The following FOCAD variants were observed in gnomAD, a reference collection of about 807,000 sequenced individuals.
FOCAD encodes focadhesin.
A neutral mutation model predicts 225.6 loss-of-function variants in FOCAD; 198 were observed. The ratio of observed to expected loss-of-function variants is 0.88; its 90% CI spans 0.78 to 0.99. FOCAD has a LOEUF of 0.99. FOCAD is among the 50% of genes least tolerant of loss of function. FOCAD has a pLI of 0.00. For synonymous variants in FOCAD, 897 were observed against 755.0 expected (o/e 1.19, Z -3.08); for missense variants, 2,713 against 2,123.6 (o/e 1.28, Z -5.46).
At chr9:20,818,726 G>A (rs1824003288) in intron 11 of FOCAD, among the ~76,000 whole-genome samples, 1 of 151,716 alleles carries the variant, frequency 6.6e-6, no homozygotes, top group Non-Finnish European at 1.5e-5. Context: ...TCATTGATTT[G>A]TCTTTCTAAT....
chr9:20,671,653 A>G (rs982102042), intron 2 of FOCAD, among the ~76,000 whole-genome samples: 9 of 152,216 alleles, frequency 5.9e-5, no homozygotes, highest in African/African-American at 9.6e-5. Flanking sequence ...ATGCAGAGAG[A>G]AAAGAGAAAA....
intron 37 of FOCAD, among the ~76,000 whole-genome samples, chr9:20,979,059 A>T (rs1188783947): frequency 6.6e-6 from 1 of 152,246 alleles, no homozygotes; most frequent in East Asian, 1.9e-4. Flanking sequence ...CGTATAGGCC[A>T]AGGGCAGATA....
At chr9:20,954,233 T>C (rs1456278403) in intron 35 of FOCAD, among the ~76,000 whole-genome samples, 1 of 152,206 alleles carries the variant, frequency 6.6e-6, no homozygotes, top group Non-Finnish European at 1.5e-5. Flanking sequence ...TAGTTCATTG[T>C]TTATGTTACC....
At chr9:20,734,893 C>T (rs569369310) in intron 4 of FOCAD, among the ~76,000 whole-genome samples, 14 of 152,072 alleles carry the variant, frequency 9.2e-5, no homozygotes, top group African/African-American at 3.4e-4. Flanking sequence ...CACCTTGGGC[C>T]TCCCAAAGTG....
intron 15 of FOCAD, among the ~76,000 whole-genome samples, chr9:20,838,674 T>G (rs923430664): frequency 6.6e-6 from 1 of 152,124 alleles, no homozygotes; most frequent in African/African-American, 2.4e-5. Context: ...TGACTTCTAC[T>G]ATGTAGAGTA....
At chr9:20,793,461 G>A (rs917282722) in intron 11 of FOCAD, among the ~76,000 whole-genome samples, 5 of 152,132 alleles carry the variant, frequency 3.3e-5, no homozygotes, top group African/African-American at 7.2e-5. Context: ...ATTCCTGGGC[G>A]TTAGTGTTGG....
intron 42 of FOCAD, among the ~76,000 whole-genome samples, chr9:20,992,113 C>T (rs1841727102): frequency 6.6e-6 from 1 of 152,088 alleles, no homozygotes; most frequent in Admixed American, 6.6e-5. Flanking sequence ...TACCTATCAC[C>T]AATGTATGTG....
chr9:20,828,332 G>C (rs1825125275), intron 15 of FOCAD, among the ~76,000 whole-genome samples: 1 of 152,016 alleles, frequency 6.6e-6, no homozygotes, highest in Non-Finnish European at 1.5e-5. Flanking sequence ...TATATATTTA[G>C]AAATTGATGG....
At chr9:20,658,002 G>T (rs1166569600), upstream of FOCAD, among the ~76,000 whole-genome samples, 1 of 143,006 alleles carries the variant, frequency 7.0e-6, no homozygotes, top group Middle Eastern at 3.5e-3. Flanking sequence ...TAACAGACAG[G>T]ACCCTCAGCT....
chr9:20,819,701 A>T, intron 11 of FOCAD, 95 bp from the exon 12 acceptor site: 1 of 558,466 alleles, frequency 1.8e-6, no homozygotes, highest in Non-Finnish European at 3.0e-6. Context: ...ATTCATATTC[A>T]TATTATTCCT....
At chr9:20,887,277 C>T (rs1419474529) in intron 21 of FOCAD, among the ~76,000 whole-genome samples, 1 of 151,726 alleles carries the variant, frequency 6.6e-6, no homozygotes, top group Non-Finnish European at 1.5e-5. Flanking sequence ...CTCTGCTGTC[C>T]AGGCTGGAGT....
chr9:20,700,266 A>G lies in FOCAD; in HGVS notation c.-32-15056A>G, dbSNP rs188426472. The stretch of plus-strand genomic sequence containing the variant: ...TAAGCACATAGCTATGATAAATAAT[A>G]GCTGTCAATGGAAGCATTCATGTAA... On this transcript the variant is annotated intron_variant, in intron 1 of 43. Coordinates refer to ENST00000338382, the MANE Select transcript of FOCAD (RefSeq NM_001375567.1). 4.9e-4 allele frequency among the ~76,000 whole-genome samples: 75 copies of G among 152,324 alleles called. No individual in the cohort carries two copies. The East Asian group carries it at 9.8e-3, about 20-fold the overall frequency.
chr9:20,763,549 G>A lies in FOCAD; in HGVS notation c.495-1320G>A, dbSNP rs150945989. Among the ~76,000 whole-genome samples the A allele has an allele frequency of 2.1e-3, 317 of 152,296 alleles. 1 individual carries two copies. Among genetic ancestry groups the A allele is most frequent in the African/African-American group, 7.4e-3 (306 of 41,542 alleles). On this transcript the variant is annotated intron_variant, in intron 6 of 43. Transcript: ENST00000338382. ...CTGATCAAGGTGAAGTGTCAAGGAAGGACCTGAGAAAGTCATTTTAAAGCA... is the reference window on the plus strand; with the variant it reads ...CTGATCAAGGTGAAGTGTCAAGGAAAGACCTGAGAAAGTCATTTTAAAGCA...
intron 5 of FOCAD, among the ~76,000 whole-genome samples, chr9:20,741,190 T>C (rs748196282): frequency 6.6e-6 from 1 of 152,212 alleles, no homozygotes; most frequent in Non-Finnish European, 1.5e-5. Context: ...GTACTTTTGC[T>C]GTGAGCCACC....
chr9:20,995,584 A>G lies in FOCAD; in HGVS notation c.5361A>G (p.Pro1787=), dbSNP rs1842002058. Residue 1787 remains proline, a synonymous_variant, in exon 44 of 44, where the codon CCA becomes CCG. Transcript: ENST00000338382. ...CCCTGCTGTCCTTGAGAGTTCTCCC[A>G]GAGTTTAAGAAGAAAGCTGTATGGA... ...KATLLSLRVL[P]EFKKKAVWTR... 1 of 1,612,930 alleles carries G rather than the reference A, an allele frequency of 6.2e-7. No homozygotes were observed. The highest frequency in any genetic ancestry group is 8.5e-7 in the Non-Finnish European group (1 of 1,178,982).
intron 11 of FOCAD, 89 bp downstream of exon 11, chr9:20,789,697 C>A (rs1587170169): frequency 1.4e-6 from 2 of 1,477,780 alleles, no homozygotes; most frequent in Non-Finnish European, 9.2e-7. Context: ...TTATTTGCAT[C>A]AGAGTTTTAA....
At chr9:20,681,496 T>G (rs1318980245), upstream of FOCAD, among the ~76,000 whole-genome samples, 1 of 152,228 alleles carries the variant, frequency 6.6e-6, no homozygotes, top group Non-Finnish European at 1.5e-5. Context: ...TTATGAAAAC[T>G]TAATACATTG....
chr9:20,775,403 C>T lies in FOCAD; in HGVS notation c.907-3278C>T, dbSNP rs531860821. On this transcript the variant is annotated intron_variant, in intron 8 of 43. Transcript: ENST00000338382. ...GGTCGGAAACTTCCCAGCAGCACTA[C>T]TGGCTGATGACTCAGTTCCAACCAA... Among the ~76,000 whole-genome samples, 9 of 152,332 alleles carry T rather than the reference C, an allele frequency of 5.9e-5. No individual in the cohort carries two copies. The South Asian group carries it at 1.9e-3, about 32-fold the overall frequency.
At chr9:20,917,803 C>G (rs1328008259) in intron 24 of FOCAD, among the ~76,000 whole-genome samples, 1 of 152,058 alleles carries the variant, frequency 6.6e-6, no homozygotes, top group Non-Finnish European at 1.5e-5. Flanking sequence ...AAAAACAGAA[C>G]AAAAAATGAT....
Sources: allele counts gnomAD v4.1 joint callset (sites outside exome capture counted in the v4.1 genomes callset), GRCh38; gene constraint gnomAD v4.1.1; transcripts MANE v1.5; gene names NCBI Gene and HGNC (gene_info 2026-07-23, HGNC 2026-07-21).